The following FLNC variants were observed in gnomAD, a reference collection of about 807,000 sequenced individuals.
FLNC encodes filamin C, also known as filamin-C.
Under a neutral mutation model 254.3 loss-of-function variants are expected in FLNC, and 91 were observed. The observed-to-expected ratio is 0.36, with a 90% CI of 0.30 to 0.43. The LOEUF is 0.43. FLNC is among the 20% of genes least tolerant of loss of function. FLNC has a pLI of 1.00. For synonymous variants in FLNC, 1,430 were observed against 1,577.2 expected (o/e 0.91, Z 2.21); for missense variants, 2,853 against 3,802.6 (o/e 0.75, Z 6.57).
At position 128,849,900 on chromosome 7, in the gene FLNC, C is replaced by T; in HGVS notation, c.5200-76C>T. The T allele has an allele frequency of 4.7e-6, 5 of 1,058,962 alleles. 1 individual carries two copies. In the South Asian group the frequency reaches 6.6e-5, roughly 14 times the overall value. The allele number at this position is 1,058,962 out of a possible 1,614,324, so 65.6% of individuals were successfully genotyped here. The stretch of plus-strand genomic sequence containing the variant: ...AAATTATCACCCAGCATTTCAGGTT[C>T]CTGGGCCATTCTCTGAGTCAGCCCC... On this transcript the variant is annotated intron_variant, in intron 30 of 47. Coordinates refer to ENST00000325888, the MANE Select transcript of FLNC (RefSeq NM_001458.5).
At chr7:128,838,238 G>A in intron 6 of FLNC, 29 bp from the exon 7 acceptor site, 1 of 1,612,018 alleles carries the variant, frequency 6.2e-7, no homozygotes, top group South Asian at 1.1e-5. Context: ...CTCTCCCCTA[G>A]AAGCTAACCT....
chr7:128,842,133 G>T lies in FLNC; in HGVS notation c.2122-98G>T. On this transcript the variant is annotated intron_variant, in intron 13 of 47. Transcript: ENST00000325888. The surrounding 1 kb of genome is among the most constrained non-coding windows in gnomAD (Gnocchi z 5.4). Reference sequence around the variant, plus strand: ...CTGGTGTGGGGGCGGGAGTGCCAGTGTTGGGGGTGGGAAAGGAGGCGCTGG... The same window carrying T: ...CTGGTGTGGGGGCGGGAGTGCCAGTTTTGGGGGTGGGAAAGGAGGCGCTGG... 3 of 1,296,636 alleles carry T rather than the reference G, an allele frequency of 2.3e-6. No individual in the cohort carries two copies. The highest frequency in any genetic ancestry group is 3.3e-6 in the Non-Finnish European group (3 of 919,388). 80.3% of individuals were successfully genotyped at this position (1,296,636 alleles called of 1,614,324 possible).
At position 128,837,232 on chromosome 7, in the gene FLNC, C is replaced by T; in HGVS notation, c.674C>T (p.Ala225Val). Residue 225 changes from alanine (A) to valine (V), a missense_variant, in exon 3 of 48, where the codon GCC becomes GTC. Transcript: ENST00000325888. ...AACGCCCGGGAGGCCATGCAGCAGG[C>T]CGACGACTGGCTTGGGGTGCCCCAG... The part of the protein sequence containing the change: ...VENAREAMQQ[A>V]DDWLGVPQVI... 1 of 1,591,660 alleles carries T rather than the reference C, an allele frequency of 6.3e-7. No homozygotes were observed. Among genetic ancestry groups the T allele is most frequent in the Non-Finnish European group, 8.6e-7 (1 of 1,169,536 alleles).
At position 128,838,384 on chromosome 7, in the gene FLNC, G is replaced by C; in HGVS notation, c.1165G>C (p.Gly389Arg). The C allele has an allele frequency of 6.2e-7, 1 of 1,614,066 alleles. No homozygotes were observed. Among genetic ancestry groups the C allele is most frequent in the Non-Finnish European group, 8.5e-7 (1 of 1,180,006 alleles). ...SARGPGLEPV[G>R]NVANKPTYFD... ...CCGTGGCCCTGGCCTGGAACCTGTG[G>C]GCAATGTGGCCAACAAACCCACCTA... Residue 389 changes from glycine (G) to arginine (R), a missense_variant, in exon 7 of 48, where the codon GGC becomes CGC. Transcript: ENST00000325888.
At chr7:128,853,670 G>T (rs199801053) in intron 38 of FLNC, 45 bp from the exon 39 acceptor site, 1 of 1,613,920 alleles carries the variant, frequency 6.2e-7, no homozygotes, top group African/African-American at 1.3e-5. Context: ...AGGCCAGGAG[G>T]CTGGGGCTCT....
Position 128,850,499 on chromosome 7 carries a change from T to A in FLNC, c.5398+16T>A, listed in dbSNP as rs13227216. On this transcript the variant is annotated intron_variant, in intron 32 of 47. Transcript: ENST00000325888. ...GAGCTCACAGGTACTGCCCTGTGGC[T>A]CCCAGGCATGAGGGCTGAGGGGAGA... 2 of 1,599,088 alleles carry A rather than the reference T, an allele frequency of 1.3e-6. No homozygotes were observed. The highest frequency in any genetic ancestry group is 3.3e-5 in the Admixed American group (2 of 60,006).
chr7:128,839,246 C>G (rs562254457), intron 8 of FLNC, among the ~76,000 whole-genome samples: 2 of 152,344 alleles, frequency 1.3e-5, no homozygotes, highest in African/African-American at 2.4e-5. Context: ...AATCGCCCCC[C>G]CTTCCTTGGC....
intron 17 of FLNC, 40 bp from the exon 18 acceptor site, chr7:128,843,368 G>T (rs1164624840): frequency 6.2e-7 from 1 of 1,613,182 alleles, no homozygotes; most frequent in East Asian, 2.2e-5. Context: ...GGGGTTAGGT[G>T]GCTGCCAGGC....
intron 5 of FLNC, 62 bp from the exon 6 acceptor site, chr7:128,837,925 C>T: frequency 6.7e-7 from 1 of 1,494,900 alleles, no homozygotes. Flanking sequence ...GCATAAGGCA[C>T]TGTGGGGTCA....
Position 128,842,607 on chromosome 7 carries a change from G to A in FLNC, c.2298G>A (p.Arg766=), listed in dbSNP as rs1808382060. 3 of 1,549,914 alleles carry A rather than the reference G, an allele frequency of 1.9e-6. No individual in the cohort carries two copies. In the South Asian group the frequency reaches 3.6e-5, roughly 18 times the overall value. Reference sequence around the variant, plus strand: ...TGGGCGAGGGCAGCCACCCCGAGCGGGTAAAGGTGTACGGCCCCGGAGTGG... The same window carrying A: ...TGGGCGAGGGCAGCCACCCCGAGCGAGTAAAGGTGTACGGCCCCGGAGTGG... ...VNVGEGSHPE[R]VKVYGPGVEK... The change falls in exon 15 of 48, where the codon CGG becomes CGA. Residue 766 remains arginine, a synonymous_variant. Transcript: ENST00000325888. This position sits in a 1 kb window ranked among gnomAD's most constrained non-coding sequence, Gnocchi z 5.4.
At chr7:128,844,550 C>T in intron 20 of FLNC, 108 bp from the exon 21 acceptor site, 9 of 1,095,786 alleles carry the variant, frequency 8.2e-6, no homozygotes, top group East Asian at 2.3e-5. Context: ...TATAAGCACT[C>T]AGTCCACAGT....
chr7:128,856,610 G>A lies in FLNC; in HGVS notation c.7344G>A (p.Ser2448=), dbSNP rs376251952. ...TTGATGCCCGGGTGCACACACCCTC[G>A]GGGGCTGTGGAGGAGTGCTACGTCT... is the stretch of plus-strand genomic sequence containing the variant. The part of the protein sequence containing the change: ...GVIDARVHTP[S]GAVEECYVSE... The change falls in exon 44 of 48, where the codon TCG becomes TCA. Residue 2448 remains serine, a synonymous_variant. Transcript: ENST00000325888. This position sits in a 1 kb window ranked among gnomAD's most constrained non-coding sequence, Gnocchi z 5.9. The A allele has an allele frequency of 1.6e-5, 26 of 1,612,578 alleles. No individual in the cohort carries two copies. The East Asian group carries it at 3.3e-4, about 21-fold the overall frequency.
chr7:128,857,270 C>T lies in FLNC; in HGVS notation c.7714C>T (p.Leu2572Phe). 1 of 1,613,996 alleles carries T rather than the reference C, an allele frequency of 6.2e-7. No homozygotes were observed. Among genetic ancestry groups the T allele is most frequent in the South Asian group, 1.1e-5 (1 of 91,086 alleles). The stretch of plus-strand genomic sequence containing the variant: ...TACTCCCATGGCCCCTGGCAACTAC[C>T]TCATTGCCATCAAGTACGGTGGCCC... ...TYTPMAPGNY[L>F]IAIKYGGPQH... The change falls in exon 46 of 48, where the codon CTC becomes TTC. Residue 2572 changes from leucine (L) to phenylalanine (F), a missense_variant. This residue lies in a region of FLNC where 197 missense variants were observed against 351.5 expected (regional missense o/e 0.56). Transcript: ENST00000325888. The surrounding 1 kb of genome is among the most constrained non-coding windows in gnomAD (Gnocchi z 4.5).
chr7:128,849,620 G>C (rs746908827), intron 30 of FLNC, 42 bp downstream of exon 30: 2 of 1,607,468 alleles, frequency 1.2e-6, no homozygotes, highest in Non-Finnish European at 1.7e-6. Context: ...GCTGGGGAGG[G>C]GGGCCTGGCC....
At chr7:128,838,226 T>A in intron 6 of FLNC, 41 bp from the exon 7 acceptor site, 8 of 1,606,012 alleles carry the variant, frequency 5.0e-6, no homozygotes, top group Non-Finnish European at 6.8e-6. Flanking sequence ...CTCTCAGGAC[T>A]GCTCTCCCCT....
At position 128,830,733 on chromosome 7, in the gene FLNC, G is replaced by A. The variant is rs368239688; in HGVS notation, c.96G>A (p.Ala32=). ...CGGAGAAGGACCTGGCGGAGGACGC[G>A]CCGTGGAAGAAGATCCAGCAGAACA... ...PSTEKDLAED[A]PWKKIQQNTF... The change falls in exon 1 of 48, where the codon GCG becomes GCA. Residue 32 remains alanine, a synonymous_variant. Transcript: ENST00000325888. 2.7e-5 allele frequency: 43 copies of A among 1,613,092 alleles called. No homozygotes were observed. The African/African-American group carries it at 5.3e-4, about 20-fold the overall frequency.
chr7:128,852,678 T>G lies in FLNC; in HGVS notation c.5930T>G (p.Leu1977Arg). The G allele has an allele frequency of 6.2e-7, 1 of 1,613,190 alleles. No individual in the cohort carries two copies. Among genetic ancestry groups the G allele is most frequent in the Non-Finnish European group, 8.5e-7 (1 of 1,179,976 alleles). Residue 1977 changes from leucine (L) to arginine (R), a missense_variant, in exon 36 of 48, where the codon CTG becomes CGG. Coordinates refer to ENST00000325888, the MANE Select transcript of FLNC (RefSeq NM_001458.5). ...LKITESDLSQ[L>R]TASIRAPSGN... The stretch of plus-strand genomic sequence containing the variant: ...ATCACCGAGAGTGATCTGAGCCAGC[T>G]GACCGCCAGCATCCGTGCCCCCTCG...
Position 128,840,088 on chromosome 7 carries a change from G to A in FLNC, c.1477G>A (p.Glu493Lys). 6.2e-7 allele frequency: 1 copy of A among 1,614,160 alleles called. No individual in the cohort carries two copies. Among genetic ancestry groups the A allele is most frequent in the Non-Finnish European group, 8.5e-7 (1 of 1,180,046 alleles). ...GCAGCCCAAGGGTGTTCGCGTGAAA[G>A]AGGTGGCTGACTTCAAGGTGTTTAC... ...GLQPKGVRVK[E>K]VADFKVFTKG... The change falls in exon 9 of 48, where the codon GAG becomes AAG. Residue 493 changes from glutamate to lysine, a missense_variant. Physicochemically the swap from Glu to Lys is moderately conservative, Grantham distance 56 (BLOSUM62 1). Coordinates refer to ENST00000325888, the MANE Select transcript of FLNC (RefSeq NM_001458.5).
chr7:128,857,138 G>A lies in FLNC; in HGVS notation c.7582G>A (p.Val2528Met), dbSNP rs1317229834. 8 of 1,614,026 alleles carry A rather than the reference G, an allele frequency of 5.0e-6. No individual in the cohort carries two copies. Among genetic ancestry groups the A allele is most frequent in the African/African-American group, 1.3e-5 (1 of 74,930 alleles). ...CCCAGGTGTGTCATCAGAGTTCATC[G>A]TGAACACCCTGAATGCCGGCTCGGG... ...GTTGVSSEFIVNTLNAGSGAL... is the reference protein window; with the variant it reads ...GTTGVSSEFIMNTLNAGSGAL... Residue 2528 changes from valine (V) to methionine (M), a missense_variant, in exon 46 of 48, where the codon GTG becomes ATG. Physicochemically the swap from Val to Met is conservative, Grantham distance 21 (BLOSUM62 1). This residue lies in a region of FLNC where 197 missense variants were observed against 351.5 expected (regional missense o/e 0.56). Transcript: ENST00000325888. This position sits in a 1 kb window ranked among gnomAD's most constrained non-coding sequence, Gnocchi z 4.5.
Sources: gnomAD v4.1 joint callset for allele counts (sites outside exome capture counted in the v4.1 genomes callset) on GRCh38, gnomAD v4.1.1 for gene constraint, gnomAD v4.1.1 regional missense constraint, Gnocchi (gnomAD v3.1) non-coding constraint, MANE v1.5 for transcripts, NCBI Gene and HGNC (gene_info 2026-07-23, HGNC 2026-07-21) for gene names.